Variants in GRAMD1B observed in about 807,000 individuals in gnomAD.
GRAMD1B encodes GRAM domain containing 1B, also known as protein Aster-B.
In GRAMD1B, 37 loss-of-function variants were observed where a neutral mutation model predicts 99.7. The observed-to-expected ratio is 0.37, with a 90% CI of 0.29 to 0.49. The LOEUF is 0.49. Among genes scored for constraint, GRAMD1B ranks in the 20% least tolerant of loss-of-function variants. GRAMD1B has a pLI of 0.98. For missense variants in GRAMD1B, 888 were observed against 1,009.2 expected, an observed-to-expected ratio of 0.88 and a Z score of 1.63; for synonymous variants, 427 against 387.6, an observed-to-expected ratio of 1.10 and a Z score of -1.19.
At chr11:123,542,075 C>T (rs1944591497) in intron 2 of GRAMD1B, among the ~76,000 whole-genome samples, 1 of 152,176 alleles carries the variant, frequency 6.6e-6, no homozygotes, top group Non-Finnish European at 1.5e-5. Context: ...TAAAATCAGC[C>T]ACTTTATTTT....
chr11:123,585,205 A>G (rs1056381704), intron 4 of GRAMD1B, among the ~76,000 whole-genome samples: 5 of 152,158 alleles, frequency 3.3e-5, no homozygotes, highest in Admixed American at 6.5e-5. Flanking sequence ...AGCAGGAGAT[A>G]TGGGCATGGA....
At chr11:123,599,406 TC>T in intron 7 of GRAMD1B, 1 of 671,524 alleles carries the variant, frequency 1.5e-6, no homozygotes, top group Non-Finnish European at 2.8e-6. Context: ...CATGAGCCAT[TC>T]CTTCTCCTCA....
chr11:123,388,896 T>C (rs1479449571), intron 1 of GRAMD1B, among the ~76,000 whole-genome samples: 1 of 152,144 alleles, frequency 6.6e-6, no homozygotes, highest in Non-Finnish European at 1.5e-5. Context: ...GCTATCCAGG[T>C]TCATGTGTTT....
intron 1 of GRAMD1B, among the ~76,000 whole-genome samples, chr11:123,364,420 G>C (rs1946250533): frequency 6.6e-6 from 1 of 152,248 alleles, no homozygotes; most frequent in South Asian, 2.1e-4. Flanking sequence ...TGCGTTCAAA[G>C]ACCTGAGGAA....
intron 2 of GRAMD1B, among the ~76,000 whole-genome samples, chr11:123,557,933 C>G (rs1176358905): frequency 6.6e-6 from 1 of 151,544 alleles, no homozygotes; most frequent in African/African-American, 2.4e-5. Flanking sequence ...ATTCCACCAA[C>G]CCCTGTGTCT....
rs764428433 is a variant in GRAMD1B at position 123,577,439 on chromosome 11, C to T, written c.525C>T (p.Thr175=). 3.7e-6 allele frequency: 6 copies of T among 1,602,896 alleles called. No homozygotes were observed. In the Admixed American group the frequency reaches 6.8e-5, roughly 18 times the overall value. ...PILRKRSRSP[T]PQNQDGDTMV... ...TCCGGAAGCGGTCTCGCTCGCCAACCCCGCAGAACCAGGACGGAGACACCA... is the reference window on the plus strand; with the variant it reads ...TCCGGAAGCGGTCTCGCTCGCCAACTCCGCAGAACCAGGACGGAGACACCA... The change falls in exon 3 of 20, where the codon ACC becomes ACT. Residue 175 remains threonine (T), a synonymous_variant. Transcript: ENST00000635736.
intron 1 of GRAMD1B, among the ~76,000 whole-genome samples, chr11:123,417,712 G>A (rs911078253): frequency 6.6e-6 from 1 of 152,172 alleles, no homozygotes; most frequent in Non-Finnish European, 1.5e-5. Flanking sequence ...CAAGAGGGGC[G>A]GGTCACTTGA....
intron 1 of GRAMD1B, among the ~76,000 whole-genome samples, chr11:123,437,551 G>T (rs953866522): frequency 6.6e-6 from 1 of 152,134 alleles, no homozygotes; most frequent in East Asian, 1.9e-4. Flanking sequence ...TCACCTGGCT[G>T]TTATGTCCCT....
intron 19 of GRAMD1B, chr11:123,619,625 C>A (rs1592315594): frequency 1.5e-6 from 1 of 679,978 alleles, no homozygotes; most frequent in Non-Finnish European, 2.0e-6. Context: ...ACCGCCCCCT[C>A]CTCTGACAGT....
At chr11:123,531,022 T>C (rs776998462) in intron 2 of GRAMD1B, among the ~76,000 whole-genome samples, 1 of 152,250 alleles carries the variant, frequency 6.6e-6, no homozygotes, top group Non-Finnish European at 1.5e-5. Context: ...ACAGTCCTGA[T>C]AGAGCAGGTT....
chr11:123,459,172 G>T (rs1481683984), intron 1 of GRAMD1B: 1 of 151,902 alleles, frequency 6.6e-6, no homozygotes, highest in Non-Finnish European at 1.5e-5. Context: ...GGCAGATTGG[G>T]GTATTTGATT....
intron 2 of GRAMD1B, among the ~76,000 whole-genome samples, chr11:123,489,415 GT>G (rs1278461662): frequency 2.0e-5 from 3 of 152,294 alleles, no homozygotes; most frequent in African/African-American, 7.2e-5. Context: ...TGAGAATATA[GT>G]TGAGGCGAGT....
At chr11:123,467,124 A>AT (rs764089357) in intron 1 of GRAMD1B, among the ~76,000 whole-genome samples, 82 of 152,130 alleles carry the variant, frequency 5.4e-4, no homozygotes, top group Non-Finnish European at 7.8e-4. Flanking sequence ...ATATTTATTT[A>AT]TTTTTCCTAG....
chr11:123,573,000 C>T (rs990724962), intron 2 of GRAMD1B, among the ~76,000 whole-genome samples: 7 of 148,018 alleles, frequency 4.7e-5, no homozygotes, highest in African/African-American at 1.5e-4. Flanking sequence ...AGATAGGCCC[C>T]GATGGCTGGG....
At chr11:123,574,965 C>T (rs2136201050) in intron 2 of GRAMD1B, among the ~76,000 whole-genome samples, 1 of 152,266 alleles carries the variant, frequency 6.6e-6, no homozygotes, top group East Asian at 1.9e-4. Context: ...TTTCCAAGAA[C>T]AGCACAGATG....
In GRAMD1B at chr11:123,469,580, A is replaced by C. The variant is rs147068195; in HGVS notation, c.375-11236A>C. On this transcript the variant is annotated intron_variant, in intron 1 of 19. Transcript: ENST00000635736. ...GAGAGGAGAAAAAGATGGTGAATTC[A>C]GTGGTGGGAATGCTCAGTTTGAGAC... Among the ~76,000 whole-genome samples, 970 of 152,266 alleles carry C rather than the reference A, an allele frequency of 6.4e-3. 13 individuals carry two copies. The highest frequency in any genetic ancestry group is 0.022 in the African/African-American group (930 of 41,546).
At chr11:123,371,445 G>T (rs1471038909) in intron 1 of GRAMD1B, among the ~76,000 whole-genome samples, 1 of 152,066 alleles carries the variant, frequency 6.6e-6, no homozygotes, top group African/African-American at 2.4e-5. Flanking sequence ...TTTTTTTAAA[G>T]GTTGAGTTAT....
chr11:123,530,671 G>T (rs1033674729), intron 2 of GRAMD1B, among the ~76,000 whole-genome samples: 1 of 152,164 alleles, frequency 6.6e-6, no homozygotes, highest in Non-Finnish European at 1.5e-5. Flanking sequence ...ATGAGCCATC[G>T]TGCCCAGCCT....
At chr11:123,466,300 A>G (rs916537962) in intron 1 of GRAMD1B, among the ~76,000 whole-genome samples, 5 of 138,958 alleles carry the variant, frequency 3.6e-5, no homozygotes, top group Non-Finnish European at 7.8e-5. Flanking sequence ...AAAAGAAAGA[A>G]AGAGAGAGAG....
Sources: allele counts gnomAD v4.1 joint callset (sites outside exome capture counted in the v4.1 genomes callset), GRCh38; gene constraint gnomAD v4.1.1; transcripts MANE v1.5; gene names NCBI Gene and HGNC (gene_info 2026-07-23, HGNC 2026-07-21).